OCA2: variants seen among roughly 807,000 people sequenced by gnomAD.
OCA2 encodes OCA2 melanosomal transmembrane protein.
Under a neutral mutation model 100.2 loss-of-function variants are expected in OCA2, and 77 were observed. That is an observed-to-expected ratio of 0.77 (90% CI 0.64 to 0.93). The LOEUF is 0.93. OCA2 is among the 40% of genes least tolerant of loss of function. The pLI, the probability that OCA2 is intolerant of heterozygous loss-of-function variation, is 0.00. For missense variants in OCA2, 1,062 were observed against 1,089.1 expected, an observed-to-expected ratio of 0.98 and a Z score of 0.35; for synonymous variants, 432 against 439.2, an observed-to-expected ratio of 0.98 and a Z score of 0.21.
chr15:27,868,788 G>T (rs1269359331), intron 21 of OCA2, among the ~76,000 whole-genome samples: 2 of 152,188 alleles, frequency 1.3e-5, no homozygotes, highest in Non-Finnish European at 2.9e-5. Context: ...TACCTTGATT[G>T]TGGTGATATT....
intron 22 of OCA2, among the ~76,000 whole-genome samples, chr15:27,850,156 C>T (rs966625291): frequency 5.3e-5 from 8 of 152,150 alleles, no homozygotes; most frequent in Admixed American, 5.2e-4. Context: ...AACTAGCTCA[C>T]GAGGCCTGTC....
At chr15:28,062,995 T>G (rs942741208) in intron 2 of OCA2, among the ~76,000 whole-genome samples, 2 of 152,198 alleles carry the variant, frequency 1.3e-5, no homozygotes, top group African/African-American at 4.8e-5. Context: ...AGCATGAGTC[T>G]TCCAAGTGCT....
chr15:28,005,980 A>G (rs554557361), intron 9 of OCA2, among the ~76,000 whole-genome samples: 47 of 152,274 alleles, frequency 3.1e-4, no homozygotes, highest in African/African-American at 1.1e-3. Context: ...CCTGGTGAGA[A>G]ATGTGGACTC....
chr15:27,889,489 G>A (rs1452337453), intron 19 of OCA2, among the ~76,000 whole-genome samples: 1 of 152,188 alleles, frequency 6.6e-6, no homozygotes, highest in East Asian at 1.9e-4. Context: ...TATGTCAGAG[G>A]CAGCCGGGCA....
At chr15:28,012,478 C>A (rs1376265388) in intron 9 of OCA2, among the ~76,000 whole-genome samples, 1 of 152,160 alleles carries the variant, frequency 6.6e-6, no homozygotes, top group Non-Finnish European at 1.5e-5. Flanking sequence ...CCCTGCCATG[C>A]TCCCTTCTAT....
intron 2 of OCA2, among the ~76,000 whole-genome samples, chr15:28,063,120 G>GT (rs1380953147): frequency 6.6e-6 from 1 of 152,144 alleles, no homozygotes; most frequent in African/African-American, 2.4e-5. Flanking sequence ...TTTAACAATA[G>GT]TAAGTATATC....
chr15:28,013,551 C>T (rs2042299347), intron 9 of OCA2, among the ~76,000 whole-genome samples: 2 of 152,136 alleles, frequency 1.3e-5, no homozygotes, highest in African/African-American at 4.8e-5. Flanking sequence ...TGAGGGTGAC[C>T]ATCTAACCGG....
chr15:27,977,633 C>T (rs1015557323), intron 14 of OCA2, among the ~76,000 whole-genome samples: 8 of 152,154 alleles, frequency 5.3e-5, no homozygotes, highest in African/African-American at 1.7e-4. Context: ...CAAAATTGCT[C>T]GGGACTGAAT....
intron 23 of OCA2, among the ~76,000 whole-genome samples, chr15:27,807,123 C>G (rs1223885649): frequency 6.6e-6 from 1 of 152,210 alleles, no homozygotes; most frequent in Non-Finnish European, 1.5e-5. Flanking sequence ...AGCCCTCTAC[C>G]CATCCACGGG....
At chr15:28,079,692 A>G (rs1025163280) in intron 2 of OCA2, among the ~76,000 whole-genome samples, 8 of 152,148 alleles carry the variant, frequency 5.3e-5, no homozygotes, top group African/African-American at 1.9e-4. Context: ...ATGCCTGTGG[A>G]CAAGGGTGGC....
chr15:27,726,432 T>C, the OCA2 span, among the ~76,000 whole-genome samples: 6 of 152,226 alleles, frequency 3.9e-5, no homozygotes, highest in African/African-American at 1.4e-4. Flanking sequence ...ATGAAAACAG[T>C]CTTCTCAATA....
At chr15:28,011,296 T>C (rs2042232237) in intron 9 of OCA2, among the ~76,000 whole-genome samples, 1 of 152,006 alleles carries the variant, frequency 6.6e-6, no homozygotes, top group East Asian at 1.9e-4. Flanking sequence ...AAGACCCTGA[T>C]TCTACAAAAA....
At position 27,977,405 on chromosome 15, in the gene OCA2, A is replaced by G. The variant is rs186397948; in HGVS notation, c.1503+5940T>C. On this transcript the variant is annotated intron_variant, in intron 14 of 23. Transcript: ENST00000354638. ...ATACTGCTTTAGAGTAGGGACTAGC[A>G]CACGTGGAGCTGGAATATAGCCATA... 2.0e-5 allele frequency among the ~76,000 whole-genome samples: 3 copies of G among 152,300 alleles called. No homozygotes were observed. The East Asian group carries it at 5.8e-4, about 29-fold the overall frequency.
chr15:27,902,443 T>C (rs1368536018), intron 19 of OCA2, among the ~76,000 whole-genome samples: 1 of 152,222 alleles, frequency 6.6e-6, no homozygotes, highest in Non-Finnish European at 1.5e-5. Flanking sequence ...TGAGTGCTTT[T>C]CCTTTTCCCA....
chr15:27,732,404 G>A, the OCA2 span, among the ~76,000 whole-genome samples: 530 of 152,180 alleles, frequency 3.5e-3, 2 homozygotes, highest in African/African-American at 0.012. Flanking sequence ...AAGGTGGCCC[G>A]TGGGGTCCAG....
chr15:27,948,492 AGTC>A (rs1199121046), intron 18 of OCA2, among the ~76,000 whole-genome samples: 9 of 152,044 alleles, frequency 5.9e-5, no homozygotes, highest in Non-Finnish European at 1.0e-4. Context: ...TTTCTGAAAT[AGTC>A]TGGCTCTGTC....
intron 14 of OCA2, among the ~76,000 whole-genome samples, chr15:27,972,853 A>ATTTTC (rs2040841313): frequency 2.1e-5 from 1 of 48,264 alleles, no homozygotes; most frequent in South Asian, 4.4e-4. Context: ...ATTTTATTTT[A>ATTTTC]TTTTATTTTA....
intron 23 of OCA2, among the ~76,000 whole-genome samples, chr15:27,761,396 T>C (rs2030826164): frequency 6.6e-6 from 1 of 151,794 alleles, no homozygotes; most frequent in Admixed American, 6.6e-5. Context: ...TGTTTTAAAC[T>C]TAAATCGTGT....
chr15:27,741,734 A>G, the OCA2 span, among the ~76,000 whole-genome samples: 1 of 152,158 alleles, frequency 6.6e-6, no homozygotes, highest in Non-Finnish European at 1.5e-5. Flanking sequence ...GAACAAAAAG[A>G]TAAGGGAGGG....
Sources: gnomAD v4.1 joint callset for allele counts (sites outside exome capture counted in the v4.1 genomes callset) on GRCh38, gnomAD v4.1.1 for gene constraint, MANE v1.5 for transcripts, NCBI Gene and HGNC (gene_info 2026-07-23, HGNC 2026-07-21) for gene names.